The following ESRRG variants were observed in gnomAD, a reference collection of about 807,000 sequenced individuals.
The protein encoded by ESRRG is estrogen-related receptor gamma.
A neutral mutation model predicts 44.0 loss-of-function variants in ESRRG; 13 were observed. That is an observed-to-expected ratio of 0.30 (90% CI 0.19 to 0.47). ESRRG has a LOEUF of 0.47. ESRRG is among the 20% of genes least tolerant of loss of function. The pLI, the probability that ESRRG is intolerant of heterozygous loss-of-function variation, is 1.00. For missense variants in ESRRG, 395 were observed against 580.6 expected, an observed-to-expected ratio of 0.68 and a Z score of 3.29; for synonymous variants, 215 against 214.6, an observed-to-expected ratio of 1.00 and a Z score of -0.02.
At chr1:216,815,675 T>C (rs2095112773) in intron 2 of ESRRG, among the ~76,000 whole-genome samples, 1 of 152,156 alleles carries the variant, frequency 6.6e-6, no homozygotes, top group South Asian at 2.1e-4. Context: ...CCGAGACATT[T>C]GTGTTCGGTT....
intron 2 of ESRRG, among the ~76,000 whole-genome samples, chr1:216,905,913 G>A (rs1015938087): frequency 5.3e-5 from 8 of 152,014 alleles, no homozygotes; most frequent in Admixed American, 5.2e-4. Context: ...ACTACGCCCT[G>A]CTAATTTTTG....
chr1:217,056,869 G>A (rs1394491781), intron 1 of ESRRG, among the ~76,000 whole-genome samples: 1 of 151,984 alleles, frequency 6.6e-6, no homozygotes, highest in African/African-American at 2.4e-5. Flanking sequence ...GGAAGAAGAA[G>A]GAAACATTGG....
chr1:216,680,533 A>G (rs902024878), intron 1 of ESRRG, among the ~76,000 whole-genome samples: 2 of 152,230 alleles, frequency 1.3e-5, no homozygotes, highest in South Asian at 2.1e-4. Flanking sequence ...CAGCCCACGC[A>G]TAAGTGGAAA....
intron 3 of ESRRG, among the ~76,000 whole-genome samples, chr1:216,606,761 A>G (rs1314821274): frequency 6.6e-6 from 1 of 152,220 alleles, no homozygotes; most frequent in Admixed American, 6.5e-5. Context: ...TGTACCTGGT[A>G]TGTAACACAT....
intron 2 of ESRRG, among the ~76,000 whole-genome samples, chr1:216,830,966 A>G (rs1435334967): frequency 1.3e-5 from 2 of 151,988 alleles, no homozygotes. Context: ...CAACTGAACT[A>G]TGAGACAGAC....
At chr1:216,907,248 C>G (rs1303755988) in intron 2 of ESRRG, among the ~76,000 whole-genome samples, 1 of 152,168 alleles carries the variant, frequency 6.6e-6, no homozygotes, top group Non-Finnish European at 1.5e-5. Context: ...AAAGCCATTA[C>G]CGAGTGACAG....
intron 2 of ESRRG, among the ~76,000 whole-genome samples, chr1:216,750,302 A>T (rs1559502462): frequency 6.6e-6 from 1 of 152,136 alleles, no homozygotes; most frequent in Non-Finnish European, 1.5e-5. Flanking sequence ...CCAGCTAGCC[A>T]ACCTCTCAGT....
intron 2 of ESRRG, among the ~76,000 whole-genome samples, chr1:216,885,179 T>C (rs946851772): frequency 6.7e-6 from 1 of 149,806 alleles, no homozygotes; most frequent in Non-Finnish European, 1.5e-5. Flanking sequence ...TTGATTCATT[T>C]AAATAAAAAT....
intron 2 of ESRRG, among the ~76,000 whole-genome samples, chr1:216,792,730 AC>A (rs779771080): frequency 6.6e-6 from 1 of 152,180 alleles, no homozygotes; most frequent in Non-Finnish European, 1.5e-5. Flanking sequence ...CACTCACAAA[AC>A]TTTTTCTTAG....
At chr1:216,533,571 G>A (rs2050044328) in intron 5 of ESRRG, among the ~76,000 whole-genome samples, 1 of 152,056 alleles carries the variant, frequency 6.6e-6, no homozygotes, top group African/African-American at 2.4e-5. Context: ...AAAAGAAAAG[G>A]GAAGTTGGGG....
intron 2 of ESRRG, among the ~76,000 whole-genome samples, chr1:216,811,665 A>G (rs1189562840): frequency 6.6e-6 from 1 of 152,190 alleles, no homozygotes; most frequent in Non-Finnish European, 1.5e-5. Context: ...ACACTACGCC[A>G]CTTACTACCG....
At chr1:216,691,081 A>G (rs1575371121) in intron 1 of ESRRG, among the ~76,000 whole-genome samples, 1 of 152,232 alleles carries the variant, frequency 6.6e-6, no homozygotes, top group African/African-American at 2.4e-5. Context: ...GAAATCTGCA[A>G]TGTGTGAGTA....
intron 2 of ESRRG, among the ~76,000 whole-genome samples, chr1:216,754,841 T>C (rs963338760): frequency 3.8e-4 from 58 of 151,922 alleles, no homozygotes; most frequent in Admixed American, 1.7e-3. Context: ...TCCTTTTCTA[T>C]TTCAACTCCA....
intron 2 of ESRRG, among the ~76,000 whole-genome samples, chr1:216,831,213 G>T (rs1466428110): frequency 2.0e-5 from 3 of 152,202 alleles, no homozygotes; most frequent in Admixed American, 1.3e-4. Flanking sequence ...AAGAGTTAAA[G>T]CTGGTGTTGT....
intron 1 of ESRRG, among the ~76,000 whole-genome samples, chr1:216,703,453 C>T (rs2081826539): frequency 6.6e-6 from 1 of 152,162 alleles, no homozygotes. Context: ...CAACTTTGTC[C>T]TTCTTTGCCT....
At chr1:217,054,942 T>C (rs2086788858) in intron 1 of ESRRG, among the ~76,000 whole-genome samples, 1 of 152,130 alleles carries the variant, frequency 6.6e-6, no homozygotes, top group Non-Finnish European at 1.5e-5. Flanking sequence ...TTGTAGCACA[T>C]TAATGGGGGC....
At chr1:216,836,653 T>G in intron 2 of ESRRG, among the ~76,000 whole-genome samples, 1 of 146,174 alleles carries the variant, frequency 6.8e-6, no homozygotes, top group Admixed American at 7.1e-5. Context: ...CAGCCATTGC[T>G]TATTTTTTTC....
intron 2 of ESRRG, among the ~76,000 whole-genome samples, chr1:216,869,651 T>G (rs2149196501): frequency 6.6e-6 from 1 of 152,238 alleles, no homozygotes; most frequent in South Asian, 2.1e-4. Context: ...CCAACATCTT[T>G]ACTTTGTTGA....
Position 216,650,966 on chromosome 1 carries a change from G to A in ESRRG, c.589+7C>T, listed in dbSNP as rs375523483. On this transcript the variant is annotated splice_region_variant and intron_variant, in intron 3 of 6. Coordinates refer to ENST00000408911, the MANE Select transcript of ESRRG (RefSeq NM_001438.4). ...AAAACCTCAGGGGCACTAGCAAAGA[G>A]CCTTACCTTCTTTCAGCATGCCCAC... is the stretch of plus-strand genomic sequence containing the variant. The A allele has an allele frequency of 5.2e-5, 81 of 1,572,760 alleles. No homozygotes were observed. The African/African-American group carries it at 1.0e-3, about 20-fold the overall frequency.
Sources: gnomAD v4.1 joint callset for allele counts (sites outside exome capture counted in the v4.1 genomes callset) on GRCh38, gnomAD v4.1.1 for gene constraint, MANE v1.5 for transcripts, NCBI Gene and HGNC (gene_info 2026-07-23, HGNC 2026-07-21) for gene names.